Variants in DLGAP1 observed in about 807,000 individuals in gnomAD.
DLGAP1 encodes the protein DLG associated protein 1.
DLGAP1 carries 11 observed loss-of-function variants against 90.8 expected under a neutral mutation model. The observed-to-expected ratio is 0.12, with a 90% CI of 0.08 to 0.20. The LOEUF is 0.20. Ranked by LOEUF, DLGAP1 falls within the 10% of genes least tolerant of loss-of-function variation. The pLI is 1.00. For synonymous variants in DLGAP1, 558 were observed against 540.7 expected, an observed-to-expected ratio of 1.03 and a Z score of -0.44; for missense variants, 1,050 against 1,333.8, an observed-to-expected ratio of 0.79 and a Z score of 3.31.
At chr18:3,670,011 G>A (rs2060031362) in intron 7 of DLGAP1, among the ~76,000 whole-genome samples, 1 of 152,196 alleles carries the variant, frequency 6.6e-6, no homozygotes, top group African/African-American at 2.4e-5. Flanking sequence ...AGGCACTGAA[G>A]AAGTGAGCCA....
intron 1 of DLGAP1, among the ~76,000 whole-genome samples, chr18:4,424,856 A>T (rs980909383): frequency 2.0e-5 from 3 of 152,200 alleles, no homozygotes; most frequent in Non-Finnish European, 4.4e-5. Context: ...TTTACTTCAC[A>T]AAACCAATTT....
At chr18:3,750,998 C>T (rs375817876) in intron 5 of DLGAP1, among the ~76,000 whole-genome samples, 1 of 152,206 alleles carries the variant, frequency 6.6e-6, no homozygotes, top group African/African-American at 2.4e-5. Flanking sequence ...CTGTTACACA[C>T]TTTTCCCATT....
At chr18:4,203,091 A>G (rs1346571320) in intron 1 of DLGAP1, among the ~76,000 whole-genome samples, 4 of 152,214 alleles carry the variant, frequency 2.6e-5, no homozygotes, top group African/African-American at 9.6e-5. Context: ...CCTGGCCATC[A>G]TGATGAAACC....
At position 3,597,141 on chromosome 18, in the gene DLGAP1, A is replaced by T. The variant is rs764515934; in HGVS notation, c.1592-14893T>A. The T allele has an allele frequency of 7.7e-6, 4 of 517,360 alleles. No individual in the cohort carries two copies. The Admixed American group carries it at 7.8e-5, about 10-fold the overall frequency. 32.0% of individuals were successfully genotyped at this position (517,360 alleles called of 1,614,324 possible). A position where few individuals can be genotyped will look rare whatever the true frequency, so the allele number is the denominator to read the frequency against. On this transcript the variant is annotated intron_variant, in intron 7 of 12. Coordinates refer to ENST00000315677, the MANE Select transcript of DLGAP1 (RefSeq NM_004746.4). ...ACAAAACTAGGAACTTTGTTATTCT[A>T]CTTATTTTTCTGTACTCTGTCTGTT...
chr18:4,238,246 C>T (rs1055661121), intron 1 of DLGAP1, among the ~76,000 whole-genome samples: 2 of 152,098 alleles, frequency 1.3e-5, no homozygotes, highest in Non-Finnish European at 1.5e-5. Context: ...TATCTGTAAA[C>T]GTTCTTAGAA....
chr18:3,787,341 C>G (rs983533779), intron 5 of DLGAP1, among the ~76,000 whole-genome samples: 1 of 151,806 alleles, frequency 6.6e-6, no homozygotes. Context: ...CTTAGCTAGG[C>G]GTGGTGGTGG....
intron 1 of DLGAP1, among the ~76,000 whole-genome samples, chr18:4,262,076 T>C (rs2079014592): frequency 6.6e-6 from 1 of 152,246 alleles, no homozygotes; most frequent in African/African-American, 2.4e-5. Context: ...CCTAACATTC[T>C]ATAGTCTCAA....
chr18:3,569,158 T>A (rs537581086), intron 8 of DLGAP1, among the ~76,000 whole-genome samples: 7 of 151,508 alleles, frequency 4.6e-5, no homozygotes, highest in Non-Finnish European at 8.8e-5. Context: ...CGTGCCACCA[T>A]GCCCAGCTAA....
chr18:4,426,716 C>T (rs2083166611), intron 1 of DLGAP1, among the ~76,000 whole-genome samples: 1 of 152,124 alleles, frequency 6.6e-6, no homozygotes, highest in Admixed American at 6.5e-5. Flanking sequence ...GTATCATCTG[C>T]CTAGAACAAA....
rs2074404292 is a variant in DLGAP1 at position 4,010,845 on chromosome 18, C to T, written c.-158-5644G>A. On this transcript the variant is annotated intron_variant, in intron 2 of 12. Coordinates refer to ENST00000315677, the MANE Select transcript of DLGAP1 (RefSeq NM_004746.4). ...TACTGAGCACCTATTTATCATAGGC[C>T]CTTGGCTAGTCATCGGAAACACAAG... Among the ~76,000 whole-genome samples, 9 of 150,926 alleles carry T rather than the reference C, an allele frequency of 6.0e-5. No individual in the cohort carries two copies. The South Asian group carries it at 1.9e-3, about 32-fold the overall frequency.
At chr18:3,768,005 T>G (rs543276044) in intron 5 of DLGAP1, among the ~76,000 whole-genome samples, 45 of 152,218 alleles carry the variant, frequency 3.0e-4, no homozygotes, top group African/African-American at 1.1e-3. Context: ...AAACTGTCCC[T>G]GTTTTGTCTT....
chr18:3,563,183 A>C (rs1785659591), intron 9 of DLGAP1, among the ~76,000 whole-genome samples: 1 of 151,968 alleles, frequency 6.6e-6, no homozygotes, highest in Non-Finnish European at 1.5e-5. Context: ...CACTTTTTTC[A>C]AGATTTTTAA....
intron 7 of DLGAP1, among the ~76,000 whole-genome samples, chr18:3,634,641 T>C (rs1042740112): frequency 6.6e-6 from 1 of 152,242 alleles, no homozygotes; most frequent in Non-Finnish European, 1.5e-5. Context: ...AGACACACTT[T>C]GTGATTTTAA....
intron 3 of DLGAP1, among the ~76,000 whole-genome samples, chr18:3,942,497 C>T (rs1167507409): frequency 6.6e-6 from 1 of 152,166 alleles, no homozygotes; most frequent in Non-Finnish European, 1.5e-5. Context: ...TGTATTCAGA[C>T]TAGTAAGTAA....
chr18:4,274,160 TC>T (rs1171250507), intron 1 of DLGAP1, among the ~76,000 whole-genome samples: 1 of 152,146 alleles, frequency 6.6e-6, no homozygotes, highest in African/African-American at 2.4e-5. Flanking sequence ...GTTATAACTT[TC>T]CCTCTAAGTA....
chr18:3,841,889 C>T (rs111397725), intron 4 of DLGAP1, among the ~76,000 whole-genome samples: 50 of 152,190 alleles, frequency 3.3e-4, no homozygotes, highest in African/African-American at 1.2e-3. Flanking sequence ...CAGCTATGTT[C>T]TTTCATGAAA....
intron 1 of DLGAP1, among the ~76,000 whole-genome samples, chr18:4,361,657 T>C (rs2081632084): frequency 6.6e-6 from 1 of 152,262 alleles, no homozygotes. Flanking sequence ...CCCTTAACGA[T>C]AAAACAAAAG....
At chr18:3,885,983 G>A (rs2071302457) in intron 3 of DLGAP1, among the ~76,000 whole-genome samples, 1 of 152,160 alleles carries the variant, frequency 6.6e-6, no homozygotes, top group South Asian at 2.1e-4. Context: ...TGCTGACAAA[G>A]GGGAAATAGT....
intron 1 of DLGAP1, among the ~76,000 whole-genome samples, chr18:4,402,318 A>T (rs932037650): frequency 5.9e-5 from 9 of 152,198 alleles, no homozygotes; most frequent in African/African-American, 2.2e-4. Context: ...AATCCACTAA[A>T]TTTTAGGAAA....
Sources: gnomAD v4.1 joint callset for allele counts (sites outside exome capture counted in the v4.1 genomes callset) on GRCh38, gnomAD v4.1.1 for gene constraint, MANE v1.5 for transcripts, NCBI Gene and HGNC (gene_info 2026-07-23, HGNC 2026-07-21) for gene names.